LARGE1: variants seen among roughly 807,000 people sequenced by gnomAD.
LARGE1 encodes LARGE xylosyl- and glucuronyltransferase 1.
A neutral mutation model predicts 87.6 loss-of-function variants in LARGE1; 43 were observed. That is an observed-to-expected ratio of 0.49 (90% CI 0.38 to 0.63). The LOEUF (loss-of-function observed/expected upper bound fraction) is 0.63. Ranked by LOEUF, LARGE1 falls within the 30% of genes least tolerant of loss-of-function variation. LARGE1 has a pLI of 0.00. For missense variants in LARGE1, 802 were observed against 1,000.2 expected (o/e 0.80, Z 2.67); for synonymous variants, 434 against 394.6 (o/e 1.10, Z -1.18).
intron 7 of LARGE1, among the ~76,000 whole-genome samples, chr22:33,408,065 C>G (rs1271072352): frequency 6.6e-6 from 1 of 151,210 alleles, no homozygotes; most frequent in African/African-American, 2.4e-5. Flanking sequence ...ACTGCAACCT[C>G]TGCCTCCTGG....
intron 12 of LARGE1, among the ~76,000 whole-genome samples, chr22:33,300,498 C>T (rs1158460362): frequency 6.6e-6 from 1 of 152,214 alleles, no homozygotes; most frequent in Non-Finnish European, 1.5e-5. Flanking sequence ...GTCTCAACCT[C>T]CCAAGTCGCT....
chr22:33,747,791 A>G (rs969479611), intron 2 of LARGE1: 2 of 152,140 alleles, frequency 1.3e-5, no homozygotes, highest in Admixed American at 6.5e-5. Context: ...GATCCACCCA[A>G]TGGCACTGGC....
chr22:33,404,436 T>C (rs1194789979), intron 7 of LARGE1, among the ~76,000 whole-genome samples: 1 of 152,192 alleles, frequency 6.6e-6, no homozygotes, highest in Non-Finnish European at 1.5e-5. Context: ...CTATTAACAT[T>C]ATTTCTGGGG....
intron 4 of LARGE1, among the ~76,000 whole-genome samples, chr22:33,623,724 A>AC (rs1373206442): frequency 4.0e-4 from 61 of 151,650 alleles, no homozygotes; most frequent in African/African-American, 1.3e-3. Context: ...AAAAAAAAAA[A>AC]ACCTAAAGTC....
intron 11 of LARGE1, among the ~76,000 whole-genome samples, chr22:33,196,107 C>T (rs540089080): frequency 7.2e-6 from 1 of 139,832 alleles, no homozygotes; most frequent in East Asian, 2.0e-4. Context: ...AAAAGAAAAG[C>T]AGAGTAAACC....
chr22:33,781,801 T>C (rs958207617), intron 1 of LARGE1, among the ~76,000 whole-genome samples: 16 of 152,180 alleles, frequency 1.1e-4, no homozygotes, highest in Admixed American at 8.5e-4. Context: ...CACAAATAGA[T>C]ATACATAAGA....
At chr22:33,798,674 T>C (rs1002437247) in intron 1 of LARGE1, among the ~76,000 whole-genome samples, 3 of 152,162 alleles carry the variant, frequency 2.0e-5, no homozygotes, top group East Asian at 1.9e-4. Flanking sequence ...CTGAAGAGGA[T>C]GGTGTAATCA....
chr22:33,637,175 A>G (rs534893302), intron 3 of LARGE1, among the ~76,000 whole-genome samples: 11 of 152,300 alleles, frequency 7.2e-5, no homozygotes, highest in African/African-American at 2.6e-4. Flanking sequence ...TAACAGGGTA[A>G]AAGACACAGG....
intron 1 of LARGE1, among the ~76,000 whole-genome samples, chr22:33,890,135 G>A (rs2064967005): frequency 1.3e-5 from 2 of 152,208 alleles, no homozygotes; most frequent in South Asian, 2.1e-4. Flanking sequence ...ATGTGCACCT[G>A]CCACATTCTA....
chr22:33,352,435 G>T (rs970903436), intron 9 of LARGE1, among the ~76,000 whole-genome samples: 21 of 152,128 alleles, frequency 1.4e-4, no homozygotes, highest in Non-Finnish European at 2.5e-4. Flanking sequence ...ATGTTGGTTT[G>T]TCAGTTTTGA....
At chr22:33,646,283 T>C (rs1255770034) in intron 3 of LARGE1, among the ~76,000 whole-genome samples, 1 of 152,112 alleles carries the variant, frequency 6.6e-6, no homozygotes. Context: ...ATGTCCTTTG[T>C]GGGGACATGA....
intron 11 of LARGE1, among the ~76,000 whole-genome samples, chr22:33,255,654 AC>A (rs1927225345): frequency 6.6e-6 from 1 of 152,222 alleles, no homozygotes. Context: ...TGTCCCAGAA[AC>A]CTTTAAATGC....
intron 1 of LARGE1, among the ~76,000 whole-genome samples, chr22:33,795,107 G>C (rs937029823): frequency 5.3e-5 from 8 of 152,224 alleles, no homozygotes; most frequent in Admixed American, 5.2e-4. Context: ...TCTTTAAAGA[G>C]GTTTGAATTC....
Position 33,304,295 on chromosome 22 carries a change from C to T in LARGE1, c.1664G>A (p.Ser555Asn), listed in dbSNP as rs773148038. 1.8e-5 allele frequency: 29 copies of T among 1,614,150 alleles called. No homozygotes were observed. In the African/African-American group the frequency reaches 2.9e-4, roughly 16 times the overall value. The stretch of plus-strand genomic sequence containing the variant: ...GTCAGACAGGAACATGTAGGGAGTG[C>T]TGATGTGCTTCATGGCCACGTTGCG... ...LLRNVAMKHISTPYMFLSDID... is the reference protein window; with the variant it reads ...LLRNVAMKHINTPYMFLSDID... Residue 555 changes from serine to asparagine, a missense_variant, in exon 12 of 15, where the codon AGC becomes AAC. Coordinates refer to ENST00000397394, the MANE Select transcript of LARGE1 (RefSeq NM_133642.5).
chr22:33,741,721 G>C (rs2083889336), intron 2 of LARGE1, among the ~76,000 whole-genome samples: 1 of 152,220 alleles, frequency 6.6e-6, no homozygotes, highest in South Asian at 2.1e-4. Context: ...CACAGAAACA[G>C]AGACACTGAG....
intron 6 of LARGE1, among the ~76,000 whole-genome samples, chr22:33,501,734 G>C (rs1430208323): frequency 3.3e-5 from 5 of 152,218 alleles, no homozygotes; most frequent in African/African-American, 9.6e-5. Flanking sequence ...ACCCAGGCAT[G>C]ATGTGGGTGA....
At chr22:33,540,032 G>A (rs1374897474) in intron 6 of LARGE1, among the ~76,000 whole-genome samples, 2 of 152,174 alleles carry the variant, frequency 1.3e-5, no homozygotes, top group Non-Finnish European at 2.9e-5. Flanking sequence ...GTGGCCTGGT[G>A]CACGGGGGCC....
At chr22:33,912,302 C>T (rs981614852) in intron 1 of LARGE1, among the ~76,000 whole-genome samples, 7 of 151,990 alleles carry the variant, frequency 4.6e-5, no homozygotes, top group Admixed American at 2.0e-4. Context: ...CCAAGGAAGC[C>T]GCAGCAATCC....
chr22:33,595,606 T>C (rs62227103), intron 5 of LARGE1, among the ~76,000 whole-genome samples: 12,953 of 152,232 alleles, frequency 0.085, 679 homozygotes, highest in African/African-American at 0.14. Context: ...TCAGGTACAG[T>C]TGAAGAAATG....
Sources: allele counts gnomAD v4.1 joint callset (sites outside exome capture counted in the v4.1 genomes callset), GRCh38; gene constraint gnomAD v4.1.1; transcripts MANE v1.5; gene names NCBI Gene and HGNC (gene_info 2026-07-23, HGNC 2026-07-21).